The following NME9 variants were observed in gnomAD, a reference collection of about 807,000 sequenced individuals.
The protein encoded by NME9 is thioredoxin domain-containing protein 6.
Under a neutral mutation model 44.4 loss-of-function variants are expected in NME9, and 48 were observed. That is an observed-to-expected ratio of 1.08 (90% CI 0.86 to 1.37). The LOEUF is 1.37. NME9 is among the 40% of genes most tolerant of loss of function. NME9 has a pLI of 0.00. For synonymous variants in NME9, 139 were observed against 147.1 expected (o/e 0.94, Z 0.40); for missense variants, 325 against 405.2 (o/e 0.80, Z 1.70).
chr3:138,271,798 C>CTTTTTTTTTTTTTTTTTTTTTTTTT (rs776320900), intron 8 of NME9, among the ~76,000 whole-genome samples: 6 of 136,134 alleles, frequency 4.4e-5, no homozygotes, highest in African/African-American at 1.7e-4. Context: ...TTTTTTCTTT[C>CTTTTTTTTTTTTTTTTTTTTTTTTT]TTTTTTTTTT....
At position 138,301,696 on chromosome 3, in the gene NME9, C is replaced by G; in HGVS notation, c.937G>C (p.Ala313Pro). 4.6e-6 allele frequency: 7 copies of G among 1,535,984 alleles called. No homozygotes were observed. The highest frequency in any genetic ancestry group is 6.1e-6 in the Non-Finnish European group (7 of 1,146,782). Reference protein sequence around the residue: ...KDTEAPQGGEAEATAGPTEAL... With the variant: ...KDTEAPQGGEPEATAGPTEAL... ...TCAGTGGGCCCCGCTGTTGCTTCAG[C>G]CTCACCGCCTGTGGGATGACAGATG... Residue 313 changes from alanine (A) to proline (P), a missense_variant, in exon 11 of 11, where the codon GCT (alanine) becomes CCT (proline). By Grantham distance (27) the Ala-to-Pro change is conservative (BLOSUM62 -1). Coordinates refer to ENST00000333911, the MANE Select transcript of NME9 (RefSeq NM_001349018.2).
At chr3:138,274,015 G>C (rs2049027898) in intron 8 of NME9, among the ~76,000 whole-genome samples, 1 of 151,856 alleles carries the variant, frequency 6.6e-6, no homozygotes, top group Non-Finnish European at 1.5e-5. Flanking sequence ...ACGGGGTTTT[G>C]CCGTGTTGGC....
intron 5 of NME9, 59 bp from the exon 6 acceptor site, chr3:138,314,466 C>A: frequency 1.0e-6 from 1 of 981,330 alleles, no homozygotes; most frequent in Non-Finnish European, 1.6e-6. Flanking sequence ...CCACTAAGAC[C>A]TTCAAAAACC....
intron 8 of NME9, among the ~76,000 whole-genome samples, chr3:138,266,444 G>A (rs567120027): frequency 2.0e-5 from 3 of 152,174 alleles, no homozygotes; most frequent in East Asian, 3.9e-4. Context: ...TTATAGTTGA[G>A]GAATTCATGT....
chr3:138,263,895 G>A, intron 8 of NME9: 21 of 1,298,822 alleles, frequency 1.6e-5, no homozygotes, highest in Non-Finnish European at 2.2e-5. Flanking sequence ...GTCCTTCACT[G>A]AGTAAACACA....
chr3:138,304,903 G>C lies in NME9; in HGVS notation c.761C>G (p.Pro254Arg). ...TWRTVMGPRD[P>R]NVARREQPES... ...TGGCTGCTCCCTCCTGGCCACATTGGGGTCACGGGGGCCCATGACGGTTCG... is the reference window on the plus strand; with the variant it reads ...TGGCTGCTCCCTCCTGGCCACATTGCGGTCACGGGGGCCCATGACGGTTCG... The change falls in exon 9 of 11, where the codon CCC becomes CGC. Residue 254 changes from proline (P) to arginine (R), a missense_variant. By Grantham distance (103) the Pro-to-Arg change is moderately radical. Coordinates refer to ENST00000333911, the MANE Select transcript of NME9 (RefSeq NM_001349018.2). 5 of 1,614,116 alleles carry C rather than the reference G, an allele frequency of 3.1e-6. No homozygotes were observed. Among genetic ancestry groups the C allele is most frequent in the Non-Finnish European group, 4.2e-6 (5 of 1,180,004 alleles).
In NME9 at chr3:138,265,331, T is replaced by C. The variant is rs549484844; in HGVS notation, c.746-2745A>G. On this transcript the variant is annotated intron_variant, in intron 8 of 8. Coordinates refer to the NME9 transcript ENST00000317876. Reference sequence around the variant, plus strand: ...GCATGTATCAAGTGGCTGCTAATAATGTTATCCCCTGATACACTACAAAAC... The same window carrying C: ...GCATGTATCAAGTGGCTGCTAATAACGTTATCCCCTGATACACTACAAAAC... Among the ~76,000 whole-genome samples the C allele has an allele frequency of 2.0e-5, 3 of 152,350 alleles. No individual in the cohort carries two copies. In the South Asian group the frequency reaches 6.2e-4, roughly 32 times the overall value.
At chr3:138,319,990 C>G (rs184451403) in intron 2 of NME9, among the ~76,000 whole-genome samples, 1 of 152,242 alleles carries the variant, frequency 6.6e-6, no homozygotes, top group African/African-American at 2.4e-5. Flanking sequence ...TTTATGTAAT[C>G]CTTTGATAAC....
chr3:138,315,503 C>T (rs2053009377), intron 5 of NME9, 24 bp downstream of exon 5: 4 of 1,491,442 alleles, frequency 2.7e-6, no homozygotes, highest in Non-Finnish European at 3.6e-6. Context: ...GAGTTAGCTG[C>T]TTATAGAAGT....
At chr3:138,318,330 G>A (rs2053233164) in intron 3 of NME9, 111 bp from the exon 4 acceptor site, 3 of 733,852 alleles carry the variant, frequency 4.1e-6, no homozygotes, top group Admixed American at 4.0e-5. Flanking sequence ...ACTTCCCCAG[G>A]TAGAGCCCCG....
At chr3:138,314,547 T>G (rs1161073399) in intron 5 of NME9, 140 bp from the exon 6 acceptor site, 5 of 573,966 alleles carry the variant, frequency 8.7e-6, no homozygotes, top group African/African-American at 1.9e-5. Flanking sequence ...TCTTGGAAAC[T>G]TTACAGGACC....
rs564499584 is a variant in NME9, at chr3:138,292,479, T to A, written c.745+11028A>T. The stretch of plus-strand genomic sequence containing the variant: ...AGTGGGGGGATTAGTATTGGAAGTA[T>A]TGAGAAGTGGTTGGATTCAGGATTT... On this transcript the variant is annotated intron_variant, in intron 8 of 8. Coordinates refer to the NME9 transcript ENST00000317876. Among the ~76,000 whole-genome samples, 8 of 152,284 alleles carry A rather than the reference T, an allele frequency of 5.3e-5. No individual in the cohort carries two copies. The East Asian group carries it at 1.2e-3, about 22-fold the overall frequency.
intron 1 of NME9, among the ~76,000 whole-genome samples, chr3:138,328,648 C>T (rs2053941128): frequency 1.3e-5 from 2 of 152,122 alleles, no homozygotes; most frequent in African/African-American, 4.8e-5. Flanking sequence ...TCTCCTAATT[C>T]CAGGGTCTAT....
chr3:138,265,258 C>G (rs1033516454), intron 8 of NME9, among the ~76,000 whole-genome samples: 1 of 151,744 alleles, frequency 6.6e-6, no homozygotes, highest in Non-Finnish European at 1.5e-5. Flanking sequence ...CCCCTTTTGT[C>G]CCCCCCAAAA....
intron 6 of NME9, among the ~76,000 whole-genome samples, chr3:138,312,097 T>G (rs62282864): frequency 0.017 from 2,570 of 152,124 alleles, 39 homozygotes; most frequent in Non-Finnish European, 0.028. Context: ...GATACACTGA[T>G]GAAAGAAATT....
At chr3:138,286,117 A>G (rs2050385417) in intron 8 of NME9, among the ~76,000 whole-genome samples, 1 of 151,958 alleles carries the variant, frequency 6.6e-6, no homozygotes, top group African/African-American at 2.4e-5. Context: ...TAATTTTTGT[A>G]TTTTTAGAAG....
At chr3:138,275,631 A>G (rs2049214170) in intron 8 of NME9, among the ~76,000 whole-genome samples, 1 of 151,978 alleles carries the variant, frequency 6.6e-6, no homozygotes, top group Admixed American at 6.5e-5. Flanking sequence ...CAAGGTCATC[A>G]GTAGAGAGTT....
chr3:138,300,740 C>T (rs1258370246), downstream of NME9, among the ~76,000 whole-genome samples: 1 of 152,092 alleles, frequency 6.6e-6, no homozygotes, highest in Non-Finnish European at 1.5e-5. Flanking sequence ...GGGAGGGATG[C>T]GTCAAGAAAA....
chr3:138,324,280 G>A (rs1186692356), intron 2 of NME9: 10 of 348,426 alleles, frequency 2.9e-5, no homozygotes, highest in Non-Finnish European at 4.0e-5. Flanking sequence ...TTGAGATCCC[G>A]TCTGATACCT....
Sources: allele counts gnomAD v4.1 joint callset (sites outside exome capture counted in the v4.1 genomes callset), GRCh38; gene constraint gnomAD v4.1.1; transcripts MANE v1.5; gene names NCBI Gene and HGNC (gene_info 2026-07-23, HGNC 2026-07-21).